The following RNF180 variants were observed in gnomAD, a reference collection of about 807,000 sequenced individuals.
RNF180 encodes the protein ring finger protein 180, also known as E3 ubiquitin-protein ligase RNF180.
A neutral mutation model predicts 59.2 loss-of-function variants in RNF180; 38 were observed. The observed-to-expected ratio is 0.64, with a 90% confidence interval of 0.50 to 0.84. The LOEUF (loss-of-function observed/expected upper bound fraction) is 0.84, where lower values mean the gene tolerates loss of function less well. Ranked by LOEUF, RNF180 falls within the 40% of genes least tolerant of loss-of-function variation. The pLI is 0.00. For synonymous variants in RNF180, 262 were observed against 240.3 expected (o/e 1.09, Z -0.84); for missense variants, 705 against 700.9 (o/e 1.01, Z -0.07).
intron 5 of RNF180, among the ~76,000 whole-genome samples, chr5:64,303,515 C>G (rs1743270076): frequency 6.6e-6 from 1 of 151,590 alleles, no homozygotes; most frequent in South Asian, 2.1e-4. Flanking sequence ...GAAAAAACAG[C>G]CCCATTGCTG....
At chr5:64,274,817 A>G (rs939783666) in intron 5 of RNF180, among the ~76,000 whole-genome samples, 25 of 152,118 alleles carry the variant, frequency 1.6e-4, no homozygotes, top group African/African-American at 5.5e-4. Flanking sequence ...TTTGACTCCT[A>G]TATCTCTCTA....
chr5:64,368,652 T>C (rs1429392321), intron 7 of RNF180, among the ~76,000 whole-genome samples: 1 of 151,882 alleles, frequency 6.6e-6, no homozygotes, highest in Non-Finnish European at 1.5e-5. Context: ...GGGCAAAGGA[T>C]ATGAACAGAC....
chr5:64,250,311 C>T lies in RNF180; in HGVS notation c.1227+32915C>T, dbSNP rs181602570. ...GAGGGAAGTTTGTAGCAACAAATGT[C>T]TACTTCATAAAAAAGAACAGAAATC... On this transcript the variant is annotated intron_variant, in intron 5 of 7. Coordinates refer to ENST00000389100, the MANE Select transcript of RNF180 (RefSeq NM_001113561.2). Among the ~76,000 whole-genome samples, 111 of 152,146 alleles carry T rather than the reference C, an allele frequency of 7.3e-4. No homozygotes were observed. In the Middle Eastern group the frequency reaches 0.017, roughly 23 times the overall value.
At chr5:64,250,221 G>A (rs1033447118) in intron 5 of RNF180, among the ~76,000 whole-genome samples, 28 of 152,036 alleles carry the variant, frequency 1.8e-4, no homozygotes, top group African/African-American at 6.8e-4. Context: ...CAACCAATGG[G>A]TTAGTGAAAA....
At chr5:64,249,753 G>T (rs1369252653) in intron 5 of RNF180, among the ~76,000 whole-genome samples, 1 of 151,926 alleles carries the variant, frequency 6.6e-6, no homozygotes, top group Non-Finnish European at 1.5e-5. Flanking sequence ...ATGGCAAAGG[G>T]GTCAATTTAG....
At chr5:64,197,100 C>T (rs1751490947) in intron 1 of RNF180, among the ~76,000 whole-genome samples, 1 of 152,156 alleles carries the variant, frequency 6.6e-6, no homozygotes, top group South Asian at 2.1e-4. Flanking sequence ...GCTGGTATTT[C>T]ACCATAAAGT....
chr5:64,269,783 T>C (rs990794380), intron 5 of RNF180, among the ~76,000 whole-genome samples: 2 of 152,130 alleles, frequency 1.3e-5, no homozygotes, highest in Non-Finnish European at 2.9e-5. Context: ...ACCAAACATT[T>C]TGGCATGTAT....
At chr5:64,224,062 G>GGTAT (rs1741516003) in intron 5 of RNF180, among the ~76,000 whole-genome samples, 1 of 141,348 alleles carries the variant, frequency 7.1e-6, no homozygotes, top group African/African-American at 2.6e-5. Flanking sequence ...TCTAGGTTGG[G>GGTAT]GTGTGTGTGT....
intron 5 of RNF180, among the ~76,000 whole-genome samples, chr5:64,270,662 G>C (rs775388416): frequency 7.2e-5 from 11 of 152,062 alleles, no homozygotes; most frequent in Non-Finnish European, 1.2e-4. Flanking sequence ...TGGAAAAGTT[G>C]AGAATTCACT....
At chr5:64,297,380 T>A (rs1000909701) in intron 5 of RNF180, among the ~76,000 whole-genome samples, 2 of 152,096 alleles carry the variant, frequency 1.3e-5, no homozygotes, top group African/African-American at 4.8e-5. Flanking sequence ...GATTATTTTA[T>A]AGTAGTTGAA....
In RNF180 at chr5:64,215,188, A is replaced by G. The variant is rs144532876; in HGVS notation, c.1191+671A>G. 3.5e-3 allele frequency among the ~76,000 whole-genome samples: 528 copies of G among 152,268 alleles called. 2 individuals are homozygous for G. The highest frequency in any genetic ancestry group is 0.012 in the African/African-American group (479 of 41,556). On this transcript the variant is annotated intron_variant, in intron 4 of 7. Transcript: ENST00000389100. ...ATGTTAGGTGCTGTGGAAAGAAAGC[A>G]ATTAAAGCCAATGGATGAGATGCTC...
rs191417592 is a variant in RNF180, at chr5:64,362,342, G to C, written c.1580-7273G>C. Reference sequence around the variant, plus strand: ...TTATAAGTGAGAACATGTGGTATTTGGTTTTCTGTTTCTACATTAGCTTGC... The same window carrying C: ...TTATAAGTGAGAACATGTGGTATTTCGTTTTCTGTTTCTACATTAGCTTGC... On this transcript the variant is annotated intron_variant, in intron 7 of 7. Transcript: ENST00000389100. 9.2e-5 allele frequency among the ~76,000 whole-genome samples: 14 copies of C among 151,854 alleles called. No individual in the cohort carries two copies. The East Asian group carries it at 2.3e-3, about 25-fold the overall frequency.
At chr5:64,225,076 AG>A (rs1741596743) in intron 5 of RNF180, among the ~76,000 whole-genome samples, 1 of 152,256 alleles carries the variant, frequency 6.6e-6, no homozygotes, top group African/African-American at 2.4e-5. Flanking sequence ...TAAGATGCTA[AG>A]TTTTATGTAA....
intron 5 of RNF180, among the ~76,000 whole-genome samples, chr5:64,312,556 A>G (rs1743820921): frequency 6.6e-6 from 1 of 152,100 alleles, no homozygotes; most frequent in Non-Finnish European, 1.5e-5. Flanking sequence ...TTAGCATCAA[A>G]AACTGTGTTG....
chr5:64,290,152 T>C (rs1742497214), intron 5 of RNF180, among the ~76,000 whole-genome samples: 1 of 152,356 alleles, frequency 6.6e-6, no homozygotes, highest in Admixed American at 6.5e-5. Context: ...CCAGGAGACA[T>C]TCAGGAACAG....
At chr5:64,207,707 A>T (rs1465749867) in intron 2 of RNF180, among the ~76,000 whole-genome samples, 3 of 152,138 alleles carry the variant, frequency 2.0e-5, no homozygotes, top group African/African-American at 4.8e-5. Flanking sequence ...TTTTCAATTC[A>T]TTGTGACCTT....
intron 5 of RNF180, among the ~76,000 whole-genome samples, chr5:64,278,624 T>C (rs1741847836): frequency 6.6e-6 from 1 of 152,210 alleles, no homozygotes; most frequent in Non-Finnish European, 1.5e-5. Flanking sequence ...TCTAAAATGA[T>C]TACTAAATTT....
At chr5:64,228,690 T>C (rs931261817) in intron 5 of RNF180, among the ~76,000 whole-genome samples, 2 of 152,156 alleles carry the variant, frequency 1.3e-5, no homozygotes, top group Admixed American at 1.3e-4. Flanking sequence ...AAAAAATCAT[T>C]ATAAGTCATT....
At chr5:64,289,322 T>C (rs558895651) in intron 5 of RNF180, among the ~76,000 whole-genome samples, 1 of 152,322 alleles carries the variant, frequency 6.6e-6, no homozygotes, top group South Asian at 2.1e-4. Context: ...TTTGCATTAA[T>C]GTTCATCAGA....
Sources: allele counts gnomAD v4.1 joint callset (sites outside exome capture counted in the v4.1 genomes callset), GRCh38; gene constraint gnomAD v4.1.1; transcripts MANE v1.5; gene names NCBI Gene and HGNC (gene_info 2026-07-23, HGNC 2026-07-21).